The following PALD1 variants were observed in gnomAD, a reference collection of about 807,000 sequenced individuals.
The protein encoded by PALD1 is paladin.
PALD1 carries 57 observed loss-of-function variants against 96.0 expected under a neutral mutation model. That is an observed-to-expected ratio of 0.59 (90% CI 0.48 to 0.74). The LOEUF is 0.74. Among genes scored for constraint, PALD1 ranks in the 30% least tolerant of loss-of-function variants. PALD1 has a pLI of 0.00. For missense variants in PALD1, 1,063 were observed against 1,143.7 expected, an observed-to-expected ratio of 0.93 and a Z score of 1.02; for synonymous variants, 464 against 473.6, an observed-to-expected ratio of 0.98 and a Z score of 0.26.
Position 70,538,892 on chromosome 10 carries a change from C to T in PALD1, c.1453C>T (p.Arg485Trp), listed in dbSNP as rs759096960. Residue 485 changes from arginine (R) to tryptophan (W), a missense_variant and splice_region_variant, in exon 13 of 20, where the codon CGG becomes TGG. Transcript: ENST00000263563. Reference sequence around the variant, plus strand: ...CCCAGGCTTGGTGCTCTCCCCACAGCGGGAGGACGATCTGGTCTCCCCGGA... The same window carrying T: ...CCCAGGCTTGGTGCTCTCCCCACAGTGGGAGGACGATCTGGTCTCCCCGGA... The part of the protein sequence containing the change: ...PRDLIARGSL[R>W]EDDLVSPDAL... The T allele has an allele frequency of 1.2e-5, 20 of 1,611,700 alleles. No individual in the cohort carries two copies. The highest frequency in any genetic ancestry group is 1.2e-4 in the African/African-American group (9 of 74,918).
chr10:70,471,251 A>C, the PALD1 span, among the ~76,000 whole-genome samples: 1 of 152,256 alleles, frequency 6.6e-6, no homozygotes, highest in East Asian at 1.9e-4. Flanking sequence ...GAGCCAACGC[A>C]CTCAGCCTCG....
intron 2 of PALD1, among the ~76,000 whole-genome samples, chr10:70,527,238 A>G (rs1846887563): frequency 1.3e-5 from 2 of 152,186 alleles, no homozygotes; most frequent in African/African-American, 4.8e-5. Context: ...ATAAGCAGAG[A>G]TGACATTCAG....
In PALD1 at chr10:70,564,600, A is replaced by G. The variant is rs908781787; in HGVS notation, c.2418+81A>G. 1.2e-5 allele frequency: 16 copies of G among 1,387,022 alleles called. No homozygotes were observed. In the South Asian group the frequency reaches 1.9e-4, roughly 17 times the overall value. The allele number at this position is 1,387,022 out of a possible 1,614,324, so 85.9% of individuals were successfully genotyped here. A position where few individuals can be genotyped will look rare whatever the true frequency, so the allele number is the denominator to read the frequency against. On this transcript the variant is annotated intron_variant, in intron 19 of 19. Coordinates refer to ENST00000263563, the MANE Select transcript of PALD1 (RefSeq NM_014431.3). ...TGGGTCACAGCCACTCAGTGCCTGT[A>G]CATGGCCTGCGGGGACCCCGTGACA...
In PALD1 at chr10:70,529,343, C is replaced by G. The variant is rs768461541; in HGVS notation, c.288+12C>G. 1 of 1,423,064 alleles carries G rather than the reference C, an allele frequency of 7.0e-7. No individual in the cohort carries two copies. The highest frequency in any genetic ancestry group is 9.9e-7 in the Non-Finnish European group (1 of 1,013,718). 88.2% of individuals were successfully genotyped at this position (1,423,064 alleles called of 1,614,324 possible). A position where few individuals can be genotyped will look rare whatever the true frequency, so the allele number is the denominator to read the frequency against. On this transcript the variant is annotated intron_variant, in intron 3 of 19. Coordinates refer to ENST00000263563, the MANE Select transcript of PALD1 (RefSeq NM_014431.3). Reference sequence around the variant, plus strand: ...ACTACCTGGTGCAAGTGAGCTCAGGCCTTACCCTGCCAGCCCGCCTGCTGC... The same window carrying G: ...ACTACCTGGTGCAAGTGAGCTCAGGGCTTACCCTGCCAGCCCGCCTGCTGC...
Position 70,566,749 on chromosome 10 carries a change from G to A in PALD1, c.*16G>A, listed in dbSNP as rs1554864387. The A allele has an allele frequency of 1.3e-6, 2 of 1,555,710 alleles. No homozygotes were observed. Among genetic ancestry groups the A allele is most frequent in the African/African-American group, 1.4e-5 (1 of 73,880 alleles). On this transcript the variant is annotated 3_prime_UTR_variant, in exon 20 of 20. Coordinates refer to ENST00000263563, the MANE Select transcript of PALD1 (RefSeq NM_014431.3). ...CTTGCTGTAGGGGGCCTTACTCCCTGTCCCCCCACCCACAGGGCCCCACGC... is the reference window on the plus strand; with the variant it reads ...CTTGCTGTAGGGGGCCTTACTCCCTATCCCCCCACCCACAGGGCCCCACGC...
Position 70,540,967 on chromosome 10 carries a change from G to A in PALD1, c.1909-135G>A. The A allele has an allele frequency of 1.1e-6, 1 of 934,624 alleles. No homozygotes were observed. Among genetic ancestry groups the A allele is most frequent in the East Asian group, 2.5e-5 (1 of 39,904 alleles). The allele number at this position is 934,624 out of a possible 1,614,324, so 57.9% of individuals were successfully genotyped here. A position where few individuals can be genotyped will look rare whatever the true frequency, so the allele number is the denominator to read the frequency against. On this transcript the variant is annotated intron_variant, in intron 15 of 19. Transcript: ENST00000263563. The surrounding 1 kb of genome is among the most constrained non-coding windows in gnomAD (Gnocchi z 4.2). ...TCATGCACCCCGGTGAGTTTTGTTT[G>A]TGTGTGCAAGCTTGGGAGCCTGACA... is the stretch of plus-strand genomic sequence containing the variant.
rs560335690 is a variant in PALD1, at chr10:70,540,122, G to GGT, written c.1908+371_1908+372dup. ...TATTGTGTTATGGGTGTGTGTTATA[G>GGT]GTGTGTGTGTGTTATCGGGGTGTGT... is the stretch of plus-strand genomic sequence containing the variant. On this transcript the variant is annotated intron_variant, in intron 15 of 19. Coordinates refer to ENST00000263563, the MANE Select transcript of PALD1 (RefSeq NM_014431.3). The surrounding 1 kb of genome is among the most constrained non-coding windows in gnomAD (Gnocchi z 4.2). Among the ~76,000 whole-genome samples the GGT allele has an allele frequency of 5.5e-4, 83 of 151,590 alleles. 1 individual carries two copies. The highest frequency in any genetic ancestry group is 3.4e-3 in the Middle Eastern group (1 of 294).
the PALD1 span, among the ~76,000 whole-genome samples, chr10:70,469,136 C>T: frequency 6.6e-6 from 1 of 152,142 alleles, no homozygotes; most frequent in Non-Finnish European, 1.5e-5. Flanking sequence ...TTGGGAACAT[C>T]TCACCCCAGG....
chr10:70,468,823 GC>G, the PALD1 span, among the ~76,000 whole-genome samples: 1 of 151,012 alleles, frequency 6.6e-6, no homozygotes, highest in Non-Finnish European at 1.5e-5. Flanking sequence ...GGCAACCTCC[GC>G]CCCCCAGGTT....
At chr10:70,566,544 C>T (rs1847857500) in intron 19 of PALD1, 37 bp from the exon 20 acceptor site, 1 of 1,552,962 alleles carries the variant, frequency 6.4e-7, no homozygotes, top group Non-Finnish European at 8.8e-7. Flanking sequence ...ACCCTCCCTC[C>T]CCTGAAACAC....
At chr10:70,500,813 A>G (rs1319199708) in intron 1 of PALD1, among the ~76,000 whole-genome samples, 2 of 152,144 alleles carry the variant, frequency 1.3e-5, no homozygotes, top group African/African-American at 2.4e-5. Flanking sequence ...GAGCCGGTGC[A>G]ATATGGCCCT....
At chr10:70,560,586 G>A (rs1464721281) in intron 18 of PALD1, among the ~76,000 whole-genome samples, 1 of 151,920 alleles carries the variant, frequency 6.6e-6, no homozygotes, top group Non-Finnish European at 1.5e-5. Context: ...GCACTCAGTA[G>A]ACCCTGACGC....
intron 1 of PALD1, among the ~76,000 whole-genome samples, chr10:70,490,047 C>T (rs891153201): frequency 6.6e-6 from 1 of 152,038 alleles, no homozygotes; most frequent in Admixed American, 6.6e-5. Flanking sequence ...CTAAGCTTCC[C>T]GAGTAGCTGG....
upstream of PALD1, among the ~76,000 whole-genome samples, chr10:70,478,348 A>G (rs1477827471): frequency 6.6e-6 from 1 of 152,070 alleles, no homozygotes; most frequent in African/African-American, 2.4e-5. Context: ...GGTCCCGCCG[A>G]GGCTCGGCCT....
At chr10:70,459,238 C>A in the PALD1 span, among the ~76,000 whole-genome samples, 1 of 152,140 alleles carries the variant, frequency 6.6e-6, no homozygotes, top group African/African-American at 2.4e-5. Flanking sequence ...CTGACGGCTC[C>A]CTTTTCAGAT....
At chr10:70,557,368 A>G (rs1231046808) in intron 18 of PALD1, among the ~76,000 whole-genome samples, 2 of 152,004 alleles carry the variant, frequency 1.3e-5, no homozygotes, top group East Asian at 3.9e-4. Context: ...CCTCTTGAGG[A>G]ACGAGACTGT....
At chr10:70,497,178 T>C (rs1846208420) in intron 1 of PALD1, among the ~76,000 whole-genome samples, 1 of 152,240 alleles carries the variant, frequency 6.6e-6, no homozygotes, top group Middle Eastern at 3.2e-3. Flanking sequence ...GTTTGTTGGA[T>C]GTTGGTGCTG....
intron 1 of PALD1, among the ~76,000 whole-genome samples, chr10:70,483,065 G>A (rs1426047250): frequency 6.6e-6 from 1 of 152,114 alleles, no homozygotes; most frequent in African/African-American, 2.4e-5. Context: ...CTGCCAGGAG[G>A]TGAGTGAGGT....
In PALD1 at chr10:70,529,239, A is replaced by C. The variant is rs1846940857; in HGVS notation, c.196A>C (p.Lys66Gln). 5 of 654,570 alleles carry C rather than the reference A, an allele frequency of 7.6e-6. No homozygotes were observed. Among genetic ancestry groups the C allele is most frequent in the African/African-American group, 2.4e-5 (1 of 41,988 alleles). The allele number at this position is 654,570 out of a possible 1,614,324, so 40.5% of individuals were successfully genotyped here. Residue 66 changes from lysine (K) to glutamine (Q), a missense_variant, in exon 3 of 20, where the codon AAG becomes CAG. By Grantham distance (53) the Lys-to-Gln change is moderately conservative (BLOSUM62 1). Transcript: ENST00000263563. ...VAPVVITYNC[K>Q]EEFQIHDELL... ...CCCCCCCCCCCCCAGGTACAACTGC[A>C]AGGAGGAGTTCCAGATCCATGATGA...
Sources: gnomAD v4.1 joint callset for allele counts (sites outside exome capture counted in the v4.1 genomes callset) on GRCh38, gnomAD v4.1.1 for gene constraint, Gnocchi (gnomAD v3.1) non-coding constraint, MANE v1.5 for transcripts, NCBI Gene and HGNC (gene_info 2026-07-23, HGNC 2026-07-21) for gene names.